The following RAB22A variants were observed in gnomAD, a reference collection of about 807,000 sequenced individuals.
The protein encoded by RAB22A is RAB22A, member RAS oncogene family, also known as ras-related protein Rab-22A.
RAB22A carries 13 observed loss-of-function variants against 30.2 expected under a neutral mutation model. That is an observed-to-expected ratio of 0.43 (90% CI 0.28 to 0.68). The LOEUF (loss-of-function observed/expected upper bound fraction) is 0.68. Ranked by LOEUF, RAB22A falls within the 30% of genes least tolerant of loss-of-function variation. The pLI, the probability that RAB22A is intolerant of heterozygous loss-of-function variation, is 0.18. For synonymous variants in RAB22A, 89 were observed against 87.2 expected (o/e 1.02, Z -0.11); for missense variants, 177 against 246.8 (o/e 0.72, Z 1.89).
At chr20:58,314,421 G>A (rs1986295378) in intron 2 of RAB22A, among the ~76,000 whole-genome samples, 1 of 152,188 alleles carries the variant, frequency 6.6e-6, no homozygotes. Flanking sequence ...GCAGTACTAT[G>A]AAAACATGTG....
At chr20:58,337,703 G>A (rs1986782867) in intron 2 of RAB22A, among the ~76,000 whole-genome samples, 1 of 152,188 alleles carries the variant, frequency 6.6e-6, no homozygotes, top group Non-Finnish European at 1.5e-5. Flanking sequence ...AGATTGCCCA[G>A]TACAAATAGC....
At chr20:58,348,171 G>A (rs904898346) in intron 3 of RAB22A, among the ~76,000 whole-genome samples, 5 of 152,058 alleles carry the variant, frequency 3.3e-5, no homozygotes, top group African/African-American at 1.2e-4. Context: ...AGGTTGCAGT[G>A]AGCCGAGATC....
chr20:58,352,363 G>A (rs960946439), intron 3 of RAB22A, among the ~76,000 whole-genome samples: 1 of 152,160 alleles, frequency 6.6e-6, no homozygotes, highest in Non-Finnish European at 1.5e-5. Flanking sequence ...ATTAACAACA[G>A]GATGTAAATA....
intron 2 of RAB22A, 58 bp from the exon 3 acceptor site, chr20:58,343,660 G>A (rs1986895954): frequency 7.4e-7 from 1 of 1,356,666 alleles, no homozygotes; most frequent in Non-Finnish European, 1.1e-6. Context: ...GTTTCCGACT[G>A]GGGCTGGAAA....
intron 6 of RAB22A, among the ~76,000 whole-genome samples, chr20:58,356,403 A>G (rs1252919730): frequency 6.6e-6 from 1 of 152,226 alleles, no homozygotes; most frequent in Non-Finnish European, 1.5e-5. Flanking sequence ...TAACTGTGAA[A>G]AACAAAACCT....
At chr20:58,312,832 G>C (rs149609610) in intron 2 of RAB22A, among the ~76,000 whole-genome samples, 223 of 152,194 alleles carry the variant, frequency 1.5e-3, no homozygotes, top group African/African-American at 5.1e-3. Context: ...CTACACATTT[G>C]AAGGCATGGG....
At chr20:58,342,157 A>G (rs1308339404) in intron 2 of RAB22A, among the ~76,000 whole-genome samples, 2 of 152,346 alleles carry the variant, frequency 1.3e-5, no homozygotes, top group East Asian at 1.9e-4. Context: ...GTGAGAAACC[A>G]TGTTGTACAT....
chr20:58,311,184 T>A (rs1986219109), intron 2 of RAB22A, 62 bp downstream of exon 2: 1 of 1,421,490 alleles, frequency 7.0e-7, no homozygotes, highest in Non-Finnish European at 1.0e-6. Flanking sequence ...AAATACATAG[T>A]GTGTTACAGG....
intron 2 of RAB22A, among the ~76,000 whole-genome samples, chr20:58,333,097 T>C (rs1986688880): frequency 6.6e-6 from 1 of 151,866 alleles, no homozygotes; most frequent in Non-Finnish European, 1.5e-5. Context: ...CTGGCCAATA[T>C]GGTAAAACCC....
intron 2 of RAB22A, among the ~76,000 whole-genome samples, chr20:58,322,553 A>G (rs1986481534): frequency 6.6e-6 from 1 of 152,192 alleles, no homozygotes; most frequent in African/African-American, 2.4e-5. Context: ...TCTTGGCCCC[A>G]TGTTAATGAT....
chr20:58,327,231 T>C (rs1717077804), intron 2 of RAB22A, among the ~76,000 whole-genome samples: 1 of 152,238 alleles, frequency 6.6e-6, no homozygotes, highest in South Asian at 2.1e-4. Context: ...TGGGTTACAG[T>C]ATTAAATATT....
intron 3 of RAB22A, among the ~76,000 whole-genome samples, chr20:58,349,955 A>G (rs1987018336): frequency 6.6e-6 from 1 of 152,184 alleles, no homozygotes; most frequent in South Asian, 2.1e-4. Context: ...TATTTTACAT[A>G]TGTTCAGAGA....
rs750055198 is a variant in RAB22A, at chr20:58,362,362, A to T, written c.*2659A>T. The T allele has an allele frequency of 6.6e-6, 1 of 152,322 alleles. No homozygotes were observed. Among genetic ancestry groups the T allele is most frequent in the Non-Finnish European group, 1.5e-5 (1 of 68,038 alleles). 9.4% of individuals were successfully genotyped at this position (152,322 alleles called of 1,614,324 possible). A position where few individuals can be genotyped will look rare whatever the true frequency, so the allele number is the denominator to read the frequency against. On this transcript the variant is annotated 3_prime_UTR_variant, in exon 7 of 7. Coordinates refer to ENST00000244040, the MANE Select transcript of RAB22A (RefSeq NM_020673.3). ...TAAGCAATGATCTAATACACATTTCATATTTTCTTTATAATAATTTCTTAT... is the reference window on the plus strand; with the variant it reads ...TAAGCAATGATCTAATACACATTTCTTATTTTCTTTATAATAATTTCTTAT...
At chr20:58,310,819 G>GT (rs1364209720) in intron 1 of RAB22A, among the ~76,000 whole-genome samples, 1 of 152,148 alleles carries the variant, frequency 6.6e-6, no homozygotes, top group African/African-American at 2.4e-5. Flanking sequence ...CTCTCAAAAG[G>GT]TCCTAATCTG....
At position 58,363,886 on chromosome 20, in the gene RAB22A, AT is replaced by A. The variant is rs1987271375; in HGVS notation, c.*4187del. 6.6e-6 allele frequency: 1 copy of A among 152,454 alleles called. No homozygotes were observed. Among genetic ancestry groups the A allele is most frequent in the African/African-American group, 2.4e-5 (1 of 41,460 alleles). 9.4% of individuals were successfully genotyped at this position (152,454 alleles called of 1,614,324 possible). On this transcript the variant is annotated 3_prime_UTR_variant, in exon 7 of 7. Transcript: ENST00000244040. ...AATTTATCCATGAGATAAACATCAT[AT>A]TTTATAGTTTTAGAAAAAAGGGTTG...
At chr20:58,339,934 C>T (rs894455045) in intron 2 of RAB22A, among the ~76,000 whole-genome samples, 11 of 152,154 alleles carry the variant, frequency 7.2e-5, no homozygotes, top group East Asian at 1.9e-4. Flanking sequence ...GCTCGGGAGG[C>T]GCCACAGGCA....
Position 58,343,797 on chromosome 20 carries a change from C to A in RAB22A, c.196C>A (p.Arg66=). The change falls in exon 3 of 7, where the codon CGA becomes AGA. Residue 66 remains arginine (R), a splice_region_variant and synonymous_variant. Transcript: ENST00000244040. The part of the protein sequence containing the change: ...FLIWDTAGQE[R]FRALAPMYYR... Reference sequence around the variant, plus strand: ...AATCTGGGATACAGCTGGACAAGAACGAGTAAGTCACTCTTTAATTTACTC... The same window carrying A: ...AATCTGGGATACAGCTGGACAAGAAAGAGTAAGTCACTCTTTAATTTACTC... 6.3e-7 allele frequency: 1 copy of A among 1,598,048 alleles called. No individual in the cohort carries two copies. The highest frequency in any genetic ancestry group is 8.6e-7 in the Non-Finnish European group (1 of 1,165,496).
At chr20:58,343,253 A>G (rs553933178) in intron 2 of RAB22A, among the ~76,000 whole-genome samples, 1 of 152,126 alleles carries the variant, frequency 6.6e-6, no homozygotes, top group African/African-American at 2.4e-5. Context: ...ATTAATTCGC[A>G]TGTTAACACT....
chr20:58,324,538 A>G (rs1457822582), intron 2 of RAB22A, among the ~76,000 whole-genome samples: 1 of 152,124 alleles, frequency 6.6e-6, no homozygotes, highest in East Asian at 1.9e-4. Flanking sequence ...GACAGTTGTC[A>G]CTGATTTTCA....
Sources: gnomAD v4.1 joint callset for allele counts (sites outside exome capture counted in the v4.1 genomes callset) on GRCh38, gnomAD v4.1.1 for gene constraint, MANE v1.5 for transcripts, NCBI Gene and HGNC (gene_info 2026-07-23, HGNC 2026-07-21) for gene names.